The following SLC37A1 variants were observed in gnomAD, a reference collection of about 807,000 sequenced individuals.
SLC37A1 encodes the protein glucose-6-phosphate exchanger SLC37A1.
In SLC37A1, 49 loss-of-function variants were observed where a neutral mutation model predicts 75.3. The ratio of observed to expected loss-of-function variants is 0.65; its 90% CI spans 0.52 to 0.83. The LOEUF is 0.83. SLC37A1 is among the 40% of genes least tolerant of loss of function. The pLI is 0.00. For missense variants in SLC37A1, 566 were observed against 695.0 expected (o/e 0.81, Z 2.09); for synonymous variants, 268 against 292.1 (o/e 0.92, Z 0.84).
intron 2 of SLC37A1, among the ~76,000 whole-genome samples, chr21:42,522,889 C>CT (rs1223306377): frequency 2.0e-5 from 3 of 152,260 alleles, no homozygotes; most frequent in African/African-American, 7.2e-5. Flanking sequence ...CAGGGCATCT[C>CT]TAGGCGTGTG....
Position 42,515,841 on chromosome 21 carries a change from C to T in SLC37A1, c.-179+1124C>T, listed in dbSNP as rs557150607. On this transcript the variant is annotated intron_variant, in intron 1 of 19. Transcript: ENST00000352133. The stretch of plus-strand genomic sequence containing the variant: ...TGGTGCAATCTCAGCTCACTGCAAC[C>T]TCCGCTTCCCAGGTTCAAGTGATTT... Among the ~76,000 whole-genome samples, 24 of 152,294 alleles carry T rather than the reference C, an allele frequency of 1.6e-4. No homozygotes were observed. The South Asian group carries it at 4.6e-3, about 29-fold the overall frequency.
At position 42,518,313 on chromosome 21, in the gene SLC37A1, C is replaced by A. The variant is rs2054562371; in HGVS notation, c.-142C>A. On this transcript the variant is annotated 5_prime_UTR_variant, in exon 2 of 20. Transcript: ENST00000352133. ...ACTGCCAGAAGGAAGGGGACAAGAC[C>A]CAGCAGGACACCTTCTTTCCACGCT... 2.0e-6 allele frequency: 2 copies of A among 1,002,062 alleles called. No individual in the cohort carries two copies. The highest frequency in any genetic ancestry group is 3.2e-5 in the African/African-American group (2 of 63,120). The allele number at this position is 1,002,062 out of a possible 1,614,324, so 62.1% of individuals were successfully genotyped here.
chr21:42,542,527 ATTTTAC>A, intron 7 of SLC37A1, 47 bp downstream of exon 7: 2 of 1,585,826 alleles, frequency 1.3e-6, no homozygotes, highest in Non-Finnish European at 1.7e-6. Context: ...AAACTAGACC[ATTTTAC>A]TTTTAGTTTT....
intron 12 of SLC37A1, 21 bp downstream of exon 12, chr21:42,562,189 A>G (rs564997961): frequency 6.2e-7 from 1 of 1,607,240 alleles, no homozygotes. Context: ...ACGCTAGAAC[A>G]CATTAAATTC....
chr21:42,549,888 A>G (rs1601727977), intron 9 of SLC37A1, among the ~76,000 whole-genome samples: 2 of 152,328 alleles, frequency 1.3e-5, no homozygotes, highest in East Asian at 3.9e-4. Flanking sequence ...AAACATATAA[A>G]AAGGTAAAAA....
chr21:42,534,783 C>G lies in SLC37A1; in HGVS notation c.224C>G (p.Pro75Arg), dbSNP rs533977939. ...SQNRKSGSAAPHQLPDNETDC... is the reference protein window; with the variant it reads ...SQNRKSGSAARHQLPDNETDC... ...AACAGGAAGTCTGGGTCCGCTGCCC[C>G]CCACCAGCTCCCTGACAATGAGACC... The change falls in exon 4 of 20, where the codon CCC (proline) becomes CGC (arginine). Residue 75 changes from proline (P) to arginine (R), a missense_variant. Transcript: ENST00000352133. 6.2e-7 allele frequency: 1 copy of G among 1,614,030 alleles called. No homozygotes were observed. The highest frequency in any genetic ancestry group is 1.7e-5 in the Admixed American group (1 of 60,010).
Position 42,545,988 on chromosome 21 carries a change from T to A in SLC37A1, c.731-1115T>A, listed in dbSNP as rs1242723737. Among the ~76,000 whole-genome samples, 1 of 151,884 alleles carries A rather than the reference T, an allele frequency of 6.6e-6. No individual in the cohort carries two copies. Among genetic ancestry groups the A allele is most frequent in the Admixed American group, 6.6e-5 (1 of 15,266 alleles). ...ATGCTGGCCTCGAGGCCAGCAGGAG[T>A]GTGCTCGGCAGCTGCATGTCCCTCT... On this transcript the variant is annotated intron_variant, in intron 8 of 19. Coordinates refer to ENST00000352133, the MANE Select transcript of SLC37A1 (RefSeq NM_001320537.2). This position sits in a 1 kb window ranked among gnomAD's most constrained non-coding sequence, Gnocchi z 4.0.
intron 10 of SLC37A1, among the ~76,000 whole-genome samples, chr21:42,557,035 G>A (rs1394411683): frequency 6.6e-6 from 1 of 152,246 alleles, no homozygotes; most frequent in African/African-American, 2.4e-5. Flanking sequence ...TACAAATCCT[G>A]CAAGGGCCGT....
At chr21:42,505,245 A>G (rs1440463902) in intron 2 of SLC37A1, among the ~76,000 whole-genome samples, 2 of 152,096 alleles carry the variant, frequency 1.3e-5, no homozygotes, top group Non-Finnish European at 2.9e-5. Context: ...GTCCCTCCCC[A>G]GCCTCTTCTC....
At chr21:42,551,918 T>G (rs1216427226) in intron 9 of SLC37A1, among the ~76,000 whole-genome samples, 1 of 152,224 alleles carries the variant, frequency 6.6e-6, no homozygotes, top group Non-Finnish European at 1.5e-5. Flanking sequence ...TTCCCACATT[T>G]GAGGCTTTGC....
In SLC37A1 at chr21:42,579,762, G is replaced by A. The variant is rs781091691; in HGVS notation, c.1548G>A (p.Glu516=). Reference sequence around the variant, plus strand: ...TCCTGATCCGCCTCATACACAAGGAGCTGAGCTGCCCAGGGTCAGCTACGG... The same window carrying A: ...TCCTGATCCGCCTCATACACAAGGAACTGAGCTGCCCAGGGTCAGCTACGG... ...LLFLIRLIHK[E]LSCPGSATGD... is the part of the protein sequence containing the mutation. The change falls in exon 19 of 20, where the codon GAG becomes GAA. Residue 516 remains glutamate, a synonymous_variant. Transcript: ENST00000352133. The A allele has an allele frequency of 4.3e-6, 7 of 1,614,070 alleles. No individual in the cohort carries two copies. The highest frequency in any genetic ancestry group is 5.9e-6 in the Non-Finnish European group (7 of 1,180,052).
chr21:42,559,793 T>C (rs2055781520), intron 11 of SLC37A1, among the ~76,000 whole-genome samples: 1 of 151,740 alleles, frequency 6.6e-6, no homozygotes, highest in Admixed American at 6.6e-5. Flanking sequence ...GGAGAATCGC[T>C]TGAACCCGGG....
In SLC37A1 at chr21:42,518,469, C is replaced by T. The variant is rs747245548; in HGVS notation, c.15C>T (p.Pro5=). 1.1e-5 allele frequency: 18 copies of T among 1,614,058 alleles called. No individual in the cohort carries two copies. The highest frequency in any genetic ancestry group is 6.7e-5 in the Admixed American group (4 of 60,004). ...TGGCGACGTAAATGGCTCGACTCCC[C>T]GCTGGCATTCGCTTCATCATCTCAT... MARL[P]AGIRFIISFS... The change falls in exon 2 of 20, where the codon CCC becomes CCT. Residue 5 remains proline, a synonymous_variant. Transcript: ENST00000352133.
At chr21:42,557,766 G>C (rs1259089298) in intron 10 of SLC37A1, among the ~76,000 whole-genome samples, 1 of 148,224 alleles carries the variant, frequency 6.7e-6, no homozygotes, top group Non-Finnish European at 1.5e-5. Flanking sequence ...AGGGGAATGT[G>C]GAATACATTA....
chr21:42,562,306 C>T (rs2055849996), intron 12 of SLC37A1, 138 bp downstream of exon 12: 1 of 723,272 alleles, frequency 1.4e-6, no homozygotes, highest in Admixed American at 2.3e-5. Context: ...GAATAAAGTA[C>T]TATGATGAAA....
upstream of SLC37A1, among the ~76,000 whole-genome samples, chr21:42,513,698 G>A (rs887708726): frequency 2.7e-5 from 4 of 149,554 alleles, no homozygotes; most frequent in African/African-American, 9.7e-5. Flanking sequence ...CCGCCCGGTG[G>A]CCCCGGGGCT....
chr21:42,579,043 C>G (rs1291586721), intron 18 of SLC37A1, among the ~76,000 whole-genome samples: 1 of 152,250 alleles, frequency 6.6e-6, no homozygotes, highest in East Asian at 1.9e-4. Flanking sequence ...TGGATCCACA[C>G]TGGAAAATGC....
chr21:42,577,022 A>T (rs2147072889), intron 18 of SLC37A1, among the ~76,000 whole-genome samples: 1 of 152,374 alleles, frequency 6.6e-6, no homozygotes, highest in African/African-American at 2.4e-5. Context: ...TACATGAAAG[A>T]CAAACATTCT....
At position 42,547,040 on chromosome 21, in the gene SLC37A1, T is replaced by C; in HGVS notation, c.731-63T>C. 1 of 1,608,246 alleles carries C rather than the reference T, an allele frequency of 6.2e-7. No homozygotes were observed. Among genetic ancestry groups the C allele is most frequent in the Non-Finnish European group, 8.5e-7 (1 of 1,174,720 alleles). On this transcript the variant is annotated intron_variant, in intron 8 of 19. Coordinates refer to ENST00000352133, the MANE Select transcript of SLC37A1 (RefSeq NM_001320537.2). The surrounding 1 kb of genome is among the most constrained non-coding windows in gnomAD (Gnocchi z 6.1). Reference sequence around the variant, plus strand: ...CGTGTTGCCCTGTCCTCGGGTTACGTAGCTTACTTGGCATTGCCATGGTGG... The same window carrying C: ...CGTGTTGCCCTGTCCTCGGGTTACGCAGCTTACTTGGCATTGCCATGGTGG...
Sources: allele counts gnomAD v4.1 joint callset (sites outside exome capture counted in the v4.1 genomes callset), GRCh38; gene constraint gnomAD v4.1.1; non-coding constraint Gnocchi (gnomAD v3.1); transcripts MANE v1.5; gene names NCBI Gene and HGNC (gene_info 2026-07-23, HGNC 2026-07-21).